TUBB8B: variants seen among roughly 807,000 people sequenced by gnomAD.
TUBB8B encodes tubulin beta 8B.
TUBB8B carries 26 observed loss-of-function variants against 31.9 expected under a neutral mutation model. The ratio of observed to expected loss-of-function variants is 0.81; its 90% CI spans 0.60 to 1.13. The LOEUF (loss-of-function observed/expected upper bound fraction) is 1.13. TUBB8B is among the 50% of genes most tolerant of loss of function. The pLI, the probability that TUBB8B is intolerant of heterozygous loss-of-function variation, is 0.00. For synonymous variants in TUBB8B, 173 were observed against 231.0 expected (o/e 0.75, Z 2.28); for missense variants, 467 against 586.7 (o/e 0.80, Z 2.11).
the TUBB8B span, among the ~76,000 whole-genome samples, chr18:63,632 A>C: frequency 6.6e-6 from 1 of 150,846 alleles, no homozygotes; most frequent in African/African-American, 2.4e-5. Context: ...CCTAGCCCTA[A>C]CCCTAACCCC....
At chr18:60,438 T>A in the TUBB8B span, among the ~76,000 whole-genome samples, 1 of 151,746 alleles carries the variant, frequency 6.6e-6, no homozygotes, top group Non-Finnish European at 1.5e-5. Context: ...TTCATTGATC[T>A]TTTGCACTGT....
chr18:65,560 T>C, the TUBB8B span, among the ~76,000 whole-genome samples: 1 of 152,188 alleles, frequency 6.6e-6, no homozygotes, highest in East Asian at 1.9e-4. Context: ...AAACCAGGGA[T>C]AGGAATTTTC....
In TUBB8B at chr18:47,801, G is replaced by A; in HGVS notation, c.924C>T (p.Gly308=). The A allele has an allele frequency of 6.2e-7, 1 of 1,611,870 alleles. No individual in the cohort carries two copies. The highest frequency in any genetic ancestry group is 8.5e-7 in the Non-Finnish European group (1 of 1,179,574). ...AAATGGCAGCCACCGTTAGGTAGCA[G>A]CCGTGACGGGGGTCACAGGCAGCCA... ...NMMAACDPRH[G]CYLTVAAIFR... Residue 308 remains glycine (G), a synonymous_variant, in exon 4 of 4, where the codon GGC becomes GGT. Coordinates refer to ENST00000308911, the MANE Select transcript of TUBB8B (RefSeq NM_001358689.2).
chr18:70,854 G>A, the TUBB8B span, among the ~76,000 whole-genome samples: 2 of 151,596 alleles, frequency 1.3e-5, no homozygotes, highest in East Asian at 1.9e-4. Flanking sequence ...CAGGAGAATC[G>A]TTTGAACCCA....
the TUBB8B span, among the ~76,000 whole-genome samples, chr18:70,825 G>C: frequency 1.3e-5 from 2 of 151,674 alleles, no homozygotes; most frequent in Admixed American, 6.6e-5. Flanking sequence ...TGTAATCCCA[G>C]CTACTTGGGA....
At chr18:49,779 A>G (rs1482523438), upstream of TUBB8B, 18 of 660,256 alleles carry the variant, frequency 2.7e-5, no homozygotes, top group African/African-American at 7.1e-5. Flanking sequence ...TGTCCTTGCT[A>G]TGGTCCCTTC....
the TUBB8B span, chr18:73,521 C>A: frequency 1.3e-5 from 2 of 153,112 alleles, no homozygotes; most frequent in African/African-American, 4.8e-5. Flanking sequence ...ACGGTTCGCG[C>A]GCGCCGCCCT....
the TUBB8B span, among the ~76,000 whole-genome samples, chr18:58,179 A>G: frequency 2.0e-5 from 3 of 151,352 alleles, no homozygotes; most frequent in South Asian, 6.3e-4. Context: ...AAGTTATACA[A>G]ATATCTCTAA....
chr18:67,355 T>C, the TUBB8B span, among the ~76,000 whole-genome samples: 1 of 152,112 alleles, frequency 6.6e-6, no homozygotes. Flanking sequence ...TACTGTTGAT[T>C]GTTTTTTGAG....
upstream of TUBB8B, among the ~76,000 whole-genome samples, chr18:51,596 T>G (rs550990856): frequency 8.5e-5 from 13 of 152,120 alleles, no homozygotes; most frequent in Non-Finnish European, 1.6e-4. Flanking sequence ...CCCACCACCA[T>G]GCCTGTCTAA....
At chr18:67,699 A>G in the TUBB8B span, among the ~76,000 whole-genome samples, 1 of 152,176 alleles carries the variant, frequency 6.6e-6, no homozygotes, top group Non-Finnish European at 1.5e-5. Context: ...ATGTCTGTGA[A>G]GGTGTTTTCA....
chr18:52,672 G>C (rs1163402261), upstream of TUBB8B, among the ~76,000 whole-genome samples: 1 of 151,910 alleles, frequency 6.6e-6, no homozygotes, highest in African/African-American at 2.4e-5. Context: ...TCATGGCATT[G>C]CTGAAAGATG....
chr18:72,928 T>C, the TUBB8B span, among the ~76,000 whole-genome samples: 4 of 151,834 alleles, frequency 2.6e-5, no homozygotes, highest in African/African-American at 4.8e-5. Context: ...GATCGCGCCA[T>C]TGCACTCCAA....
chr18:53,158 T>C (rs1051053865), upstream of TUBB8B, among the ~76,000 whole-genome samples: 1 of 151,850 alleles, frequency 6.6e-6, no homozygotes, highest in Non-Finnish European at 1.5e-5. Flanking sequence ...GCCTTGTGAG[T>C]ACCTAGCTAC....
the TUBB8B span, among the ~76,000 whole-genome samples, chr18:62,700 C>T: frequency 6.6e-6 from 1 of 151,798 alleles, no homozygotes; most frequent in African/African-American, 2.4e-5. Context: ...GGATTACAGG[C>T]GTGAGCCACT....
In TUBB8B at chr18:49,589, C is replaced by T. The variant is rs1167538674; in HGVS notation, c.-32G>A. On this transcript the variant is annotated 5_prime_UTR_variant, in exon 1 of 4. Coordinates refer to ENST00000308911, the MANE Select transcript of TUBB8B (RefSeq NM_001358689.2). ...GGCAGGATTAGGGCGGCAGCAGAAG[C>T]GCGAGAAGGAGGAGCAGACGCGCAG... 3.9e-6 allele frequency: 3 copies of T among 777,682 alleles called. No individual in the cohort carries two copies. The highest frequency in any genetic ancestry group is 6.5e-6 in the Non-Finnish European group (3 of 458,524). The allele number at this position is 777,682 out of a possible 1,614,324, so 48.2% of individuals were successfully genotyped here. A position where few individuals can be genotyped will look rare whatever the true frequency, so the allele number is the denominator to read the frequency against.
chr18:72,426 T>A, the TUBB8B span, among the ~76,000 whole-genome samples: 1 of 152,198 alleles, frequency 6.6e-6, no homozygotes. Flanking sequence ...TCATTTTATG[T>A]ACCATTACAA....
upstream of TUBB8B, chr18:49,680 G>A (rs1409218280): frequency 5.7e-6 from 4 of 705,732 alleles, no homozygotes; most frequent in African/African-American, 1.8e-5. Context: ...CCTCCGATTG[G>A]GCTCCCAGAA....
chr18:55,013 T>C, the TUBB8B span, among the ~76,000 whole-genome samples: 1 of 152,070 alleles, frequency 6.6e-6, no homozygotes, highest in Non-Finnish European at 1.5e-5. Flanking sequence ...TAATTGATTA[T>C]ATTTTTTTCT....
Sources: gnomAD v4.1 joint callset for allele counts (sites outside exome capture counted in the v4.1 genomes callset) on GRCh38, gnomAD v4.1.1 for gene constraint, MANE v1.5 for transcripts, NCBI Gene and HGNC (gene_info 2026-07-23, HGNC 2026-07-21) for gene names.